TGFBR3: variants seen among roughly 807,000 people sequenced by gnomAD.
The protein encoded by TGFBR3 is transforming growth factor beta receptor type 3.
In TGFBR3, 46 loss-of-function variants were observed where a neutral mutation model predicts 87.9. That is an observed-to-expected ratio of 0.52 (90% confidence interval 0.41 to 0.67). The LOEUF (loss-of-function observed/expected upper bound fraction) is 0.67. Ranked by LOEUF, TGFBR3 falls within the 30% of genes least tolerant of loss-of-function variation. The pLI, the probability that TGFBR3 is intolerant of heterozygous loss-of-function variation, is 0.00. For synonymous variants in TGFBR3, 381 were observed against 391.6 expected (o/e 0.97, Z 0.32); for missense variants, 866 against 1,041.9 (o/e 0.83, Z 2.32).
At chr1:91,835,682 G>T (rs1360827020) in intron 2 of TGFBR3, among the ~76,000 whole-genome samples, 2 of 151,888 alleles carry the variant, frequency 1.3e-5, no homozygotes, top group African/African-American at 2.4e-5. Flanking sequence ...CAAAAAATTA[G>T]CCGGGCGTGG....
intron 1 of TGFBR3, among the ~76,000 whole-genome samples, chr1:91,904,299 T>C (rs897864714): frequency 2.2e-4 from 34 of 151,928 alleles, no homozygotes; most frequent in African/African-American, 8.2e-4. Context: ...TTTTTTTTTT[T>C]TTTTTTTTTT....
At chr1:91,707,208 C>T (rs1671828019) in intron 14 of TGFBR3, among the ~76,000 whole-genome samples, 1 of 152,230 alleles carries the variant, frequency 6.6e-6, no homozygotes. Context: ...CAATGTCCCA[C>T]AGCCAGTTAG....
At chr1:91,818,749 C>G (rs1026816569) in intron 2 of TGFBR3, among the ~76,000 whole-genome samples, 1 of 152,134 alleles carries the variant, frequency 6.6e-6, no homozygotes, top group Non-Finnish European at 1.5e-5. Flanking sequence ...TATACACATC[C>G]TGCATCACCA....
chr1:91,778,323 T>C (rs982981415), intron 3 of TGFBR3, among the ~76,000 whole-genome samples: 1 of 152,154 alleles, frequency 6.6e-6, no homozygotes, highest in African/African-American at 2.4e-5. Flanking sequence ...AATTGGTATT[T>C]TGAAATATTA....
At chr1:91,731,999 C>T (rs996560633) in intron 5 of TGFBR3, among the ~76,000 whole-genome samples, 8 of 152,118 alleles carry the variant, frequency 5.3e-5, no homozygotes, top group African/African-American at 1.9e-4. Context: ...AAAACTTATA[C>T]CGAGTGCCAA....
chr1:91,876,437 A>AC (rs1678811600), intron 1 of TGFBR3, among the ~76,000 whole-genome samples: 1 of 152,110 alleles, frequency 6.6e-6, no homozygotes, highest in Non-Finnish European at 1.5e-5. Flanking sequence ...CAATATATTC[A>AC]CCCACACATC....
chr1:91,817,880 G>GAA (rs5776119), intron 2 of TGFBR3, among the ~76,000 whole-genome samples: 56,664 of 138,798 alleles, frequency 0.41, 11,924 homozygotes, highest in Middle Eastern at 0.53. Flanking sequence ...ACTGATAACA[G>GAA]AAAAAAAAAA....
At chr1:91,701,539 T>A (rs1671620501) in intron 14 of TGFBR3, among the ~76,000 whole-genome samples, 1 of 152,172 alleles carries the variant, frequency 6.6e-6, no homozygotes, top group African/African-American at 2.4e-5. Flanking sequence ...CAAACTATAA[T>A]CAATGTTCTG....
chr1:91,728,165 G>C (rs1481605117), intron 6 of TGFBR3, among the ~76,000 whole-genome samples: 2 of 152,102 alleles, frequency 1.3e-5, no homozygotes, highest in Admixed American at 6.5e-5. Context: ...TCGATGTACA[G>C]GATTCCCATT....
chr1:91,727,544 G>A, intron 7 of TGFBR3, 115 bp downstream of exon 7: 1 of 1,349,888 alleles, frequency 7.4e-7, no homozygotes, highest in Non-Finnish European at 1.0e-6. Context: ...AAAAATAATT[G>A]ACAGAGCTTA....
chr1:91,780,432 T>A (rs541080165), intron 3 of TGFBR3, among the ~76,000 whole-genome samples: 8 of 151,976 alleles, frequency 5.3e-5, no homozygotes, highest in Admixed American at 2.0e-4. Flanking sequence ...TGATAAGAAG[T>A]GACATCTGGG....
rs1392950562 is a variant in TGFBR3 at position 91,767,357 on chromosome 1, C to G, written c.247-8607G>C. On this transcript the variant is annotated intron_variant, in intron 3 of 16. Transcript: ENST00000212355. ...TCTTTAGGAGTACAGTGTTACCTTG[C>G]TAGCAGAAATCAGAAATCCAGAGAG... 3.8e-5 allele frequency among the ~76,000 whole-genome samples: 5 copies of G among 132,988 alleles called. 1 individual carries two copies. The highest frequency in any genetic ancestry group is 8.2e-5 in the Non-Finnish European group (5 of 60,786). The allele number at this position is 132,988 out of a possible 152,430, so 87.2% of individuals were successfully genotyped here.
intron 16 of TGFBR3, 66 bp downstream of exon 16, chr1:91,695,606 C>T (rs1671407459): frequency 8.2e-7 from 1 of 1,218,256 alleles, no homozygotes; most frequent in Admixed American, 1.7e-5. Flanking sequence ...CAACAAAACA[C>T]TGAGTGTCTA....
At position 91,886,003 on chromosome 1, in the gene TGFBR3, C is replaced by G. The variant is rs1341293157; in HGVS notation, c.-239G>C. 2.2e-6 allele frequency: 1 copy of G among 453,182 alleles called. No individual in the cohort carries two copies. Among genetic ancestry groups the G allele is most frequent in the Non-Finnish European group, 4.4e-6 (1 of 226,308 alleles). The allele number at this position is 453,182 out of a possible 1,614,324, so 28.1% of individuals were successfully genotyped here. A position where few individuals can be genotyped will look rare whatever the true frequency, so the allele number is the denominator to read the frequency against. ...GCTGCTGCGCCGCGGCAAAACTACG[C>G]CATCCGGACCCGCTGGGGACTCTCA... On this transcript the variant is annotated 5_prime_UTR_variant, in exon 1 of 17. Transcript: ENST00000212355.
chr1:91,786,265 T>G (rs1314110776), intron 3 of TGFBR3: 2 of 456,078 alleles, frequency 4.4e-6, no homozygotes, highest in South Asian at 3.1e-5. Flanking sequence ...GAGAGCATTA[T>G]TTAGAGAAGT....
intron 2 of TGFBR3, among the ~76,000 whole-genome samples, chr1:91,801,349 G>A (rs1210550960): frequency 6.6e-6 from 1 of 152,128 alleles, no homozygotes; most frequent in East Asian, 1.9e-4. Context: ...AGTAATCAGG[G>A]CAAGAGAGAT....
chr1:91,901,204 A>T (rs1421877984), intron 1 of TGFBR3, among the ~76,000 whole-genome samples: 1 of 152,210 alleles, frequency 6.6e-6, no homozygotes, highest in Non-Finnish European at 1.5e-5. Context: ...ATAATCATAT[A>T]TACTTTTTGT....
At chr1:91,856,966 A>G (rs1255444466) in intron 2 of TGFBR3, among the ~76,000 whole-genome samples, 1 of 152,222 alleles carries the variant, frequency 6.6e-6, no homozygotes, top group South Asian at 2.1e-4. Flanking sequence ...ACTTTGTACA[A>G]ATTATTAACC....
chr1:91,731,199 T>G (rs1357153642), intron 5 of TGFBR3, among the ~76,000 whole-genome samples: 1 of 152,206 alleles, frequency 6.6e-6, no homozygotes, highest in African/African-American at 2.4e-5. Context: ...CAAGTCCACA[T>G]GGAAGTCTCA....
Sources: gnomAD v4.1 joint callset for allele counts (sites outside exome capture counted in the v4.1 genomes callset) on GRCh38, gnomAD v4.1.1 for gene constraint, MANE v1.5 for transcripts, NCBI Gene and HGNC (gene_info 2026-07-23, HGNC 2026-07-21) for gene names.